The following SYT1 variants were observed in gnomAD, a reference collection of about 807,000 sequenced individuals.
SYT1 encodes synaptotagmin-1.
In SYT1, 8 loss-of-function variants were observed where a neutral mutation model predicts 44.8. The observed-to-expected ratio is 0.18, with a 90% CI of 0.10 to 0.32. The LOEUF (loss-of-function observed/expected upper bound fraction) is 0.32. Among genes scored for constraint, SYT1 ranks in the 10% least tolerant of loss-of-function variants. The pLI is 1.00. For missense variants in SYT1, 286 were observed against 509.3 expected, an observed-to-expected ratio of 0.56 and a Z score of 4.22; for synonymous variants, 154 against 188.8, an observed-to-expected ratio of 0.82 and a Z score of 1.51.
intron 3 of SYT1, among the ~76,000 whole-genome samples, chr12:79,147,191 T>G (rs577303606): frequency 6.6e-6 from 1 of 152,236 alleles, no homozygotes; most frequent in African/African-American, 2.4e-5. Flanking sequence ...ACACATTGTT[T>G]GTAAACTGAA....
chr12:79,116,460 ATC>A (rs1255949510), intron 3 of SYT1, among the ~76,000 whole-genome samples: 2 of 152,286 alleles, frequency 1.3e-5, no homozygotes, highest in East Asian at 3.9e-4. Context: ...TTGACTTAGG[ATC>A]CACACAAATC....
chr12:79,421,711 G>GT (rs71989672), intron 9 of SYT1, among the ~76,000 whole-genome samples: 1,979 of 141,088 alleles, frequency 0.014, 45 homozygotes, highest in African/African-American at 0.043. Context: ...TTTGTTTTCT[G>GT]TTTTTTTTTT....
rs1365972298 is a variant in SYT1, at chr12:79,382,271, A to C, written c.928+28652A>C. 3.9e-5 allele frequency among the ~76,000 whole-genome samples: 6 copies of C among 152,264 alleles called. No homozygotes were observed. In the East Asian group the frequency reaches 1.2e-3, roughly 29 times the overall value. On this transcript the variant is annotated intron_variant, in intron 9 of 10. Transcript: ENST00000261205. ...CTATAATGCTCTAAAGTTGATCCCT[A>C]GTGTGAAAGAGAGTGCTGCTTTCTG...
chr12:79,243,600 C>T (rs975745904), intron 4 of SYT1, among the ~76,000 whole-genome samples: 3 of 152,118 alleles, frequency 2.0e-5, no homozygotes, highest in Admixed American at 2.0e-4. Context: ...TACCGGCAAG[C>T]AGGAGGTCTC....
chr12:79,108,200 G>A (rs1159195177), intron 3 of SYT1, among the ~76,000 whole-genome samples: 1 of 151,566 alleles, frequency 6.6e-6, no homozygotes, highest in Non-Finnish European at 1.5e-5. Flanking sequence ...GAGGGGTGAG[G>A]CTATTTCTTT....
At chr12:79,279,429 A>G (rs1044005198) in intron 4 of SYT1, among the ~76,000 whole-genome samples, 2 of 152,096 alleles carry the variant, frequency 1.3e-5, no homozygotes, top group African/African-American at 4.8e-5. Flanking sequence ...TAGAAAAATC[A>G]TTCAATAAAA....
chr12:79,368,217 G>A (rs1256145383), intron 9 of SYT1, among the ~76,000 whole-genome samples: 1 of 152,028 alleles, frequency 6.6e-6, no homozygotes, highest in African/African-American at 2.4e-5. Context: ...TCCCTACAAA[G>A]GACATGAACT....
chr12:78,972,522 T>C (rs543370125), intron 1 of SYT1, among the ~76,000 whole-genome samples: 1 of 135,820 alleles, frequency 7.4e-6, no homozygotes, highest in Admixed American at 7.3e-5. Context: ...TTGGCAGCTT[T>C]TCTCAGCAAA....
At chr12:79,115,058 C>A (rs888085099) in intron 3 of SYT1, among the ~76,000 whole-genome samples, 4 of 152,126 alleles carry the variant, frequency 2.6e-5, no homozygotes, top group Non-Finnish European at 5.9e-5. Flanking sequence ...GAAAATGCTG[C>A]AATTATTCTG....
At chr12:78,997,068 G>A (rs1024677002) in intron 2 of SYT1, among the ~76,000 whole-genome samples, 2 of 152,192 alleles carry the variant, frequency 1.3e-5, no homozygotes, top group African/African-American at 2.4e-5. Context: ...TGGTCTCCAG[G>A]TTTCTGGAAG....
rs78688144 is a variant in SYT1, at chr12:79,284,097, C to T, written c.167-1690C>T. Among the ~76,000 whole-genome samples the T allele has an allele frequency of 2.0e-3, 294 of 149,412 alleles. 1 individual carries two copies. Among genetic ancestry groups the T allele is most frequent in the Admixed American group, 4.8e-3 (72 of 14,908 alleles). Reference sequence around the variant, plus strand: ...TTCTTATCATTTCAGTGCCCAGTATCTTTTTTTTTTATTACAACAGACAAA... The same window carrying T: ...TTCTTATCATTTCAGTGCCCAGTATTTTTTTTTTTTATTACAACAGACAAA... On this transcript the variant is annotated intron_variant, in intron 4 of 10. Coordinates refer to ENST00000261205, the MANE Select transcript of SYT1 (RefSeq NM_005639.3).
chr12:79,093,096 G>A lies in SYT1; in HGVS notation c.-18+45734G>A, dbSNP rs184804839. ...ATGTATAAAATTGTAACTCAAAGAAGGTTAAACATCACTTGCTATTTGGAG... is the reference window on the plus strand; with the variant it reads ...ATGTATAAAATTGTAACTCAAAGAAAGTTAAACATCACTTGCTATTTGGAG... On this transcript the variant is annotated intron_variant, in intron 3 of 10. Transcript: ENST00000261205. Among the ~76,000 whole-genome samples the A allele has an allele frequency of 1.4e-4, 21 of 151,694 alleles. No individual in the cohort carries two copies. In the East Asian group the frequency reaches 3.7e-3, roughly 27 times the overall value.
chr12:78,939,954 A>G (rs1023347119), intron 1 of SYT1, among the ~76,000 whole-genome samples: 35 of 152,208 alleles, frequency 2.3e-4, no homozygotes, highest in African/African-American at 8.2e-4. Context: ...TACATCCTCC[A>G]TGAAGCTTAC....
intron 1 of SYT1, among the ~76,000 whole-genome samples, chr12:78,947,797 T>TA (rs548875988): frequency 1.8e-4 from 26 of 147,392 alleles, no homozygotes; most frequent in African/African-American, 3.7e-4. Flanking sequence ...AGGGATTGTT[T>TA]AAAAAAAAAA....
chr12:79,236,302 A>G (rs1262788075), intron 4 of SYT1, among the ~76,000 whole-genome samples: 1 of 152,166 alleles, frequency 6.6e-6, no homozygotes, highest in Non-Finnish European at 1.5e-5. Flanking sequence ...ACCTCTCTAT[A>G]GTTTAACCCC....
chr12:79,226,727 G>T (rs747249618), intron 4 of SYT1, among the ~76,000 whole-genome samples: 1 of 151,982 alleles, frequency 6.6e-6, no homozygotes, highest in Non-Finnish European at 1.5e-5. Flanking sequence ...AGAAAACACA[G>T]CATCATAAAT....
At chr12:79,159,797 G>T (rs1245758318) in intron 3 of SYT1, among the ~76,000 whole-genome samples, 1 of 151,940 alleles carries the variant, frequency 6.6e-6, no homozygotes, top group Non-Finnish European at 1.5e-5. Context: ...GAAATCCTAA[G>T]AAAGAAAAAT....
intron 1 of SYT1, among the ~76,000 whole-genome samples, chr12:78,963,693 G>A (rs141084450): frequency 1.3e-5 from 2 of 152,118 alleles, no homozygotes; most frequent in Non-Finnish European, 2.9e-5. Flanking sequence ...CAAGGTTGTG[G>A]AGAAATTGAA....
At chr12:79,066,537 GGA>G (rs1162384388) in intron 3 of SYT1, among the ~76,000 whole-genome samples, 1 of 151,688 alleles carries the variant, frequency 6.6e-6, no homozygotes, top group Non-Finnish European at 1.5e-5. Flanking sequence ...CATCATCTGG[GGA>G]GAGAGAGCAG....
Sources: gnomAD v4.1 joint callset for allele counts (sites outside exome capture counted in the v4.1 genomes callset) on GRCh38, gnomAD v4.1.1 for gene constraint, MANE v1.5 for transcripts, NCBI Gene and HGNC (gene_info 2026-07-23, HGNC 2026-07-21) for gene names.